Variants in INPP5B observed in about 807,000 individuals in gnomAD.
The protein encoded by INPP5B is type II inositol 1,4,5-trisphosphate 5-phosphatase.
In INPP5B, 90 loss-of-function variants were observed where a neutral mutation model predicts 118.5. The ratio of observed to expected loss-of-function variants is 0.76; its 90% CI spans 0.64 to 0.90. INPP5B has a LOEUF of 0.90. Among genes scored for constraint, INPP5B ranks in the 40% least tolerant of loss-of-function variants. The pLI, the probability that INPP5B is intolerant of heterozygous loss-of-function variation, is 0.00. For synonymous variants in INPP5B, 385 were observed against 418.9 expected (o/e 0.92, Z 0.99); for missense variants, 984 against 1,125.6 (o/e 0.87, Z 1.80).
intron 12 of INPP5B, among the ~76,000 whole-genome samples, chr1:37,886,070 C>T (rs1309066830): frequency 1.3e-5 from 2 of 151,830 alleles, no homozygotes; most frequent in Non-Finnish European, 2.9e-5. Context: ...CCCAGCTACT[C>T]GGGAGGCTGA....
chr1:37,908,490 C>G (rs1023987811), intron 7 of INPP5B, among the ~76,000 whole-genome samples: 1 of 151,864 alleles, frequency 6.6e-6, no homozygotes, highest in Non-Finnish European at 1.5e-5. Context: ...AATCCCAGCT[C>G]TCAGGGAGGC....
chr1:37,898,235 C>T lies in INPP5B; in HGVS notation c.533-6781G>A, dbSNP rs555550600. 9.9e-5 allele frequency among the ~76,000 whole-genome samples: 15 copies of T among 152,088 alleles called. No individual in the cohort carries two copies. In the South Asian group the frequency reaches 2.1e-3, roughly 21 times the overall value. On this transcript the variant is annotated intron_variant, in intron 7 of 23. Transcript: ENST00000373024. Reference sequence around the variant, plus strand: ...TCTGGATAAGACAAAACTATAGAGACGGTAAACAGATCAATGGTTGCCAGG... The same window carrying T: ...TCTGGATAAGACAAAACTATAGAGATGGTAAACAGATCAATGGTTGCCAGG...
At chr1:37,864,886 G>C (rs1303882901) in intron 22 of INPP5B, 1 of 152,738 alleles carries the variant, frequency 6.5e-6, no homozygotes, top group Admixed American at 6.5e-5. Flanking sequence ...TTGGAAGTTT[G>C]AATAGATTCC....
chr1:37,869,058 T>C (rs562550021), intron 19 of INPP5B, among the ~76,000 whole-genome samples: 2 of 152,292 alleles, frequency 1.3e-5, no homozygotes, highest in African/African-American at 4.8e-5. Context: ...AATGGCACGA[T>C]CTCGGCTCAC....
At chr1:37,874,292 T>A in intron 17 of INPP5B, 137 bp from the exon 18 acceptor site, 1 of 575,784 alleles carries the variant, frequency 1.7e-6, no homozygotes, top group Non-Finnish European at 2.7e-6. Context: ...AGTATCTACC[T>A]GGGAGGCCAC....
chr1:37,896,466 G>GA (rs1644076273), intron 7 of INPP5B, among the ~76,000 whole-genome samples: 1 of 148,304 alleles, frequency 6.7e-6, no homozygotes. Context: ...GTCCGGGAGG[G>GA]AGGTGGGGGG....
At chr1:37,945,940 CA>C in intron 2 of INPP5B, 90 bp from the exon 3 acceptor site, 1 of 1,210,302 alleles carries the variant, frequency 8.3e-7, no homozygotes, top group Non-Finnish European at 1.2e-6. Flanking sequence ...CCTGCCCCCC[CA>C]GATTCACTGT....
At chr1:37,937,576 G>A (rs2148680461) in intron 6 of INPP5B, among the ~76,000 whole-genome samples, 1 of 151,810 alleles carries the variant, frequency 6.6e-6, no homozygotes, top group South Asian at 2.1e-4. Context: ...AGACCAGCCT[G>A]GCCAACATGG....
In INPP5B at chr1:37,888,276, T is replaced by C. The variant is rs757163667; in HGVS notation, c.866A>G (p.Asn289Ser). 3.8e-6 allele frequency: 6 copies of C among 1,581,550 alleles called. No homozygotes were observed. The highest frequency in any genetic ancestry group is 5.2e-6 in the Non-Finnish European group (6 of 1,163,890). ...PKECLRLWLSNGIQAPDVYCV... is the reference protein window; with the variant it reads ...PKECLRLWLSSGIQAPDVYCV... ...ATAGACATCTGGGGCCTGGATACCATTGCTCAGCCACAGCCGGAGGCATTC... is the reference window on the plus strand; with the variant it reads ...ATAGACATCTGGGGCCTGGATACCACTGCTCAGCCACAGCCGGAGGCATTC... Residue 289 changes from asparagine (N) to serine (S), a missense_variant, in exon 10 of 24, where the codon AAT becomes AGT. Physicochemically the swap from Asn to Ser is conservative, Grantham distance 46. Around this residue, in one of 2 missense-constraint regions of INPP5B, gnomAD observed 634 missense variants for 791.0 expected, o/e 0.80. Transcript: ENST00000373024.
chr1:37,932,175 C>T (rs1557717823), intron 6 of INPP5B, 122 bp from the exon 7 acceptor site: 1 of 920,400 alleles, frequency 1.1e-6, no homozygotes, highest in Non-Finnish European at 1.5e-6. Flanking sequence ...TCTGTGCGCA[C>T]TGAGGTTCAA....
At chr1:37,930,598 G>A (rs1005974488) in intron 7 of INPP5B, 1 of 152,238 alleles carries the variant, frequency 6.6e-6, no homozygotes, top group Non-Finnish European at 1.5e-5. Flanking sequence ...AAACTCTAGT[G>A]ATAGTGAACT....
In INPP5B at chr1:37,897,293, G is replaced by C. The variant is rs868390595; in HGVS notation, c.533-5839C>G. ...AATGGCGGTTTTGTGGAATAGAAAG[G>C]GGGGGAAGGTGGGGAAAAGATTGAG... On this transcript the variant is annotated intron_variant, in intron 7 of 23. Coordinates refer to ENST00000373024, the MANE Select transcript of INPP5B (RefSeq NM_005540.3). 6.1e-4 allele frequency among the ~76,000 whole-genome samples: 90 copies of C among 148,290 alleles called. 2 individuals carry two copies. The highest frequency in any genetic ancestry group is 2.1e-3 in the African/African-American group (86 of 40,688).
In INPP5B at chr1:37,900,819, T is replaced by G. The variant is rs1267356762; in HGVS notation, c.533-9365A>C. Among the ~76,000 whole-genome samples the G allele has an allele frequency of 2.1e-5, 3 of 144,230 alleles. 1 individual carries two copies. The highest frequency in any genetic ancestry group is 6.9e-5 in the Admixed American group (1 of 14,450). 94.6% of individuals were successfully genotyped at this position (144,230 alleles called of 152,430 possible). ...AATTTTTGTTTTCGGTTTTTGTTTG[T>G]TTTTTTTTTGAGACAGAGTCTCTCT... On this transcript the variant is annotated intron_variant, in intron 7 of 23. Coordinates refer to ENST00000373024, the MANE Select transcript of INPP5B (RefSeq NM_005540.3).
chr1:37,898,734 T>A (rs1644219680), intron 7 of INPP5B, among the ~76,000 whole-genome samples: 1 of 151,814 alleles, frequency 6.6e-6, no homozygotes, highest in South Asian at 2.1e-4. Flanking sequence ...TACAAAATTT[T>A]AAAAAATCAT....
intron 7 of INPP5B, 161 bp downstream of exon 7, chr1:37,931,752 G>T: frequency 6.2e-7 from 1 of 1,600,316 alleles, no homozygotes; most frequent in Non-Finnish European, 8.5e-7. Flanking sequence ...CCCGCCGCCC[G>T]TCCCGCGCGC....
intron 13 of INPP5B, 135 bp from the exon 14 acceptor site, chr1:37,883,053 A>G (rs960989019): frequency 1.8e-5 from 26 of 1,441,556 alleles, no homozygotes; most frequent in Non-Finnish European, 2.2e-5. Context: ...CTGTTCGGAA[A>G]ATTTTTTTCT....
chr1:37,905,367 G>A (rs1644468867), intron 7 of INPP5B, among the ~76,000 whole-genome samples: 1 of 152,160 alleles, frequency 6.6e-6, no homozygotes, highest in East Asian at 1.9e-4. Context: ...TTGTGCCACT[G>A]CACTCCAGGC....
intron 7 of INPP5B, among the ~76,000 whole-genome samples, chr1:37,926,794 A>G (rs1004048961): frequency 6.6e-6 from 1 of 152,078 alleles, no homozygotes; most frequent in African/African-American, 2.4e-5. Flanking sequence ...ACTGACTTGG[A>G]TAAGTACTGG....
chr1:37,924,399 C>A (rs1180560449), intron 7 of INPP5B, among the ~76,000 whole-genome samples: 1 of 151,368 alleles, frequency 6.6e-6, no homozygotes, highest in Non-Finnish European at 1.5e-5. Context: ...AAACTCCTGG[C>A]CTCAAGTGAC....
Sources: gnomAD v4.1 joint callset for allele counts (sites outside exome capture counted in the v4.1 genomes callset) on GRCh38, gnomAD v4.1.1 for gene constraint, gnomAD v4.1.1 regional missense constraint, MANE v1.5 for transcripts, NCBI Gene and HGNC (gene_info 2026-07-23, HGNC 2026-07-21) for gene names.